NAV3: variants seen among roughly 807,000 people sequenced by gnomAD.
NAV3 encodes the protein pore membrane and/or filament interacting like protein 1.
NAV3 carries 87 observed loss-of-function variants against 244.7 expected under a neutral mutation model. The observed-to-expected ratio is 0.36, with a 90% CI of 0.30 to 0.42. The LOEUF (loss-of-function observed/expected upper bound fraction) is 0.42, where lower values mean the gene tolerates loss of function less well. Among genes scored for constraint, NAV3 ranks in the 20% least tolerant of loss-of-function variants. The probability of loss-of-function intolerance (pLI) is 1.00; values close to 1 mark genes in which losing one functional copy is unlikely to be tolerated. For synonymous variants in NAV3, 1,126 were observed against 1,042.2 expected (o/e 1.08, Z -1.55); for missense variants, 2,663 against 2,893.3 (o/e 0.92, Z 1.83).
At chr12:77,591,426 T>C (rs1043166719) in intron 2 of NAV3, among the ~76,000 whole-genome samples, 6 of 152,212 alleles carry the variant, frequency 3.9e-5, no homozygotes, top group Non-Finnish European at 7.3e-5. Flanking sequence ...ATTTAATTGT[T>C]TTACACAAAC....
chr12:77,810,190 G>A (rs1872213323), intron 2 of NAV3, among the ~76,000 whole-genome samples: 1 of 152,140 alleles, frequency 6.6e-6, no homozygotes. Flanking sequence ...GTTTGTTTTT[G>A]AGACGGAGTC....
intron 2 of NAV3, among the ~76,000 whole-genome samples, chr12:77,770,413 T>C (rs1338882359): frequency 6.6e-6 from 1 of 152,154 alleles, no homozygotes; most frequent in Admixed American, 6.5e-5. Flanking sequence ...AGTTTGGGCA[T>C]GTCATGAAAT....
chr12:77,733,085 T>C (rs1877193508), intron 2 of NAV3, among the ~76,000 whole-genome samples: 1 of 152,036 alleles, frequency 6.6e-6, no homozygotes, highest in Admixed American at 6.6e-5. Context: ...GAAAGCACCT[T>C]CTTGCAATAT....
intron 2 of NAV3, among the ~76,000 whole-genome samples, chr12:77,776,056 T>C (rs1309382596): frequency 6.6e-6 from 1 of 152,156 alleles, no homozygotes; most frequent in Non-Finnish European, 1.5e-5. Context: ...GGCCAAGAAT[T>C]GTTAAGTATT....
At chr12:77,987,236 A>G (rs1870676133) in intron 5 of NAV3, among the ~76,000 whole-genome samples, 1 of 152,218 alleles carries the variant, frequency 6.6e-6, no homozygotes, top group Admixed American at 6.5e-5. Context: ...AAATACTTCA[A>G]TTGATATTTG....
chr12:78,189,947 A>G (rs1386707328), intron 33 of NAV3, 37 bp from the exon 34 acceptor site: 1 of 1,471,910 alleles, frequency 6.8e-7, no homozygotes, highest in Non-Finnish European at 9.5e-7. Flanking sequence ...CTTATGTAGA[A>G]CAATAAATCA....
chr12:77,662,944 G>T (rs1195288486), intron 2 of NAV3, among the ~76,000 whole-genome samples: 1 of 152,072 alleles, frequency 6.6e-6, no homozygotes, highest in Non-Finnish European at 1.5e-5. Context: ...GTGCATTAAG[G>T]ATGCATTTCT....
At chr12:77,913,089 T>C (rs1269396) in intron 1 of NAV3, among the ~76,000 whole-genome samples, 16,784 of 152,106 alleles carry the variant, frequency 0.11, 1,067 homozygotes, top group South Asian at 0.2. Flanking sequence ...AAAAAATGCA[T>C]GGTGAAAAAA....
chr12:77,834,005 G>A (rs1039977832), intron 1 of NAV3, among the ~76,000 whole-genome samples: 6 of 151,694 alleles, frequency 4.0e-5, no homozygotes, highest in East Asian at 1.9e-4. Context: ...ACGTCCAGCC[G>A]CTTGTGTGTT....
intron 2 of NAV3, among the ~76,000 whole-genome samples, chr12:77,751,161 A>T (rs1371706216): frequency 6.6e-6 from 1 of 152,234 alleles, no homozygotes; most frequent in African/African-American, 2.4e-5. Context: ...GTTGGTCAGG[A>T]CAAGGTAAAC....
intron 22 of NAV3, among the ~76,000 whole-genome samples, chr12:78,156,057 A>G (rs1200982554): frequency 2.6e-5 from 4 of 152,088 alleles, no homozygotes; most frequent in Non-Finnish European, 5.9e-5. Context: ...TTTTTGTCAT[A>G]AAATCTTTGC....
chr12:77,818,204 TA>T (rs1016866669), intron 2 of NAV3, among the ~76,000 whole-genome samples: 1 of 152,164 alleles, frequency 6.6e-6, no homozygotes, highest in Non-Finnish European at 1.5e-5. Context: ...TTATTTTCCC[TA>T]AAGTTATTAT....
intron 22 of NAV3, among the ~76,000 whole-genome samples, chr12:78,157,297 C>G (rs1431967717): frequency 6.6e-6 from 1 of 151,758 alleles, no homozygotes; most frequent in East Asian, 1.9e-4. Context: ...ATAATCCCAG[C>G]CAACACTTTG....
intron 1 of NAV3, among the ~76,000 whole-genome samples, chr12:77,837,076 G>A (rs1874774208): frequency 6.6e-6 from 1 of 152,058 alleles, no homozygotes; most frequent in Non-Finnish European, 1.5e-5. Flanking sequence ...TATTGCTAAT[G>A]TGGACAATTC....
Position 78,159,212 on chromosome 12 carries a change from G to A in NAV3, c.4795G>A (p.Val1599Ile). Residue 1599 changes from valine to isoleucine, a missense_variant, in exon 23 of 40, where the codon GTA becomes ATA. Transcript: ENST00000397909. ...TSQLSANAHL[V>I]AAFEKSLGNM... ...TCCATTCTGTTCACAGGCTCACCTT[G>A]TAGCAGCTTTTGAAAAGAGCTTAGG... 6.2e-7 allele frequency: 1 copy of A among 1,613,186 alleles called. No homozygotes were observed.
rs966324139 is a variant in NAV3, at chr12:77,655,554, T to C, written c.72+83288T>C. The stretch of plus-strand genomic sequence containing the variant: ...TGTGCAGGATATTATCCAGGAGAAC[T>C]TCCCCAATCTAGCAAGGCAGGCCAA... On this transcript the variant is annotated intron_variant, in intron 2 of 8. Transcript: ENST00000550042. Among the ~76,000 whole-genome samples the C allele has an allele frequency of 5.1e-4, 78 of 152,150 alleles. 1 individual carries two copies. Among genetic ancestry groups the C allele is most frequent in the Non-Finnish European group, 1.3e-4 (9 of 68,032 alleles).
chr12:77,672,548 GTA>G (rs1435012617), intron 2 of NAV3, among the ~76,000 whole-genome samples: 1 of 152,024 alleles, frequency 6.6e-6, no homozygotes. Flanking sequence ...AAGTGTGTGT[GTA>G]TGTGTGTGTG....
At chr12:78,098,650 C>T (rs879266302) in intron 12 of NAV3, among the ~76,000 whole-genome samples, 15 of 151,050 alleles carry the variant, frequency 9.9e-5, no homozygotes, top group Admixed American at 8.6e-4. Context: ...ATTTTTGAAT[C>T]CTATACATAA....
intron 3 of NAV3, among the ~76,000 whole-genome samples, chr12:77,942,825 C>G (rs879431862): frequency 2.6e-5 from 4 of 152,250 alleles, no homozygotes; most frequent in Admixed American, 2.6e-4. Flanking sequence ...AGGACACATG[C>G]GTGGATTAAC....
Sources: allele counts gnomAD v4.1 joint callset (sites outside exome capture counted in the v4.1 genomes callset), GRCh38; gene constraint gnomAD v4.1.1; transcripts MANE v1.5; gene names NCBI Gene and HGNC (gene_info 2026-07-23, HGNC 2026-07-21).